The following SUSD4 variants were observed in gnomAD, a reference collection of about 807,000 sequenced individuals.
The protein encoded by SUSD4 is sushi domain containing 4.
In SUSD4, 41 loss-of-function variants were observed where a neutral mutation model predicts 50.5. The ratio of observed to expected loss-of-function variants is 0.81; its 90% CI spans 0.63 to 1.05. SUSD4 has a LOEUF of 1.05. SUSD4 is among the 50% of genes least tolerant of loss of function. The probability of loss-of-function intolerance (pLI) is 0.00; values close to 1 mark genes in which losing one functional copy is unlikely to be tolerated. For missense variants in SUSD4, 580 were observed against 634.7 expected (o/e 0.91, Z 0.93); for synonymous variants, 257 against 257.3 (o/e 1.00, Z 0.01).
chr1:223,316,522 C>G (rs1666199924), intron 2 of SUSD4, among the ~76,000 whole-genome samples: 1 of 152,120 alleles, frequency 6.6e-6, no homozygotes, highest in South Asian at 2.1e-4. Flanking sequence ...TTCTCCTCAC[C>G]CCTGACAACT....
intron 5 of SUSD4, among the ~76,000 whole-genome samples, chr1:223,245,976 A>G (rs1327432789): frequency 6.6e-6 from 1 of 152,252 alleles, no homozygotes; most frequent in Middle Eastern, 3.4e-3. Context: ...GTCGGGTTTG[A>G]GCTTCCAGTG....
intron 5 of SUSD4, among the ~76,000 whole-genome samples, chr1:223,262,975 T>G (rs1328042560): frequency 6.6e-6 from 1 of 152,198 alleles, no homozygotes; most frequent in Non-Finnish European, 1.5e-5. Flanking sequence ...AACCTTAGAT[T>G]TTGTTTTATG....
chr1:223,352,890 A>G lies in SUSD4; in HGVS notation c.148+10388T>C, dbSNP rs190552411. ...TCCAGCATCCAGCAACAGAAATAGC[A>G]TGCTAGATAAGGGGGAAGCAGAGCA... is the stretch of plus-strand genomic sequence containing the variant. On this transcript the variant is annotated intron_variant, in intron 2 of 8. Transcript: ENST00000366878. Among the ~76,000 whole-genome samples, 203 of 152,202 alleles carry G rather than the reference A, an allele frequency of 1.3e-3. 1 individual carries two copies. Among genetic ancestry groups the G allele is most frequent in the African/African-American group, 4.7e-3 (195 of 41,528 alleles).
rs1558257818 is a variant in SUSD4, at chr1:223,332,118, T to C, written c.148+31160A>G. Among the ~76,000 whole-genome samples the C allele has an allele frequency of 6.6e-6, 1 of 152,180 alleles. No homozygotes were observed. Among genetic ancestry groups the C allele is most frequent in the Non-Finnish European group, 1.5e-5 (1 of 68,028 alleles). On this transcript the variant is annotated intron_variant, in intron 2 of 8. Transcript: ENST00000366878. The surrounding 1 kb of genome is among the most constrained non-coding windows in gnomAD (Gnocchi z 4.0). ...AAGCCCCCTATTCTCCAGTTGCTGA[T>C]TTCTAGTCCTCTTGGGCAAATGCCA...
At chr1:223,222,914 A>C (rs1005967233) in intron 8 of SUSD4, among the ~76,000 whole-genome samples, 1 of 152,224 alleles carries the variant, frequency 6.6e-6, no homozygotes, top group Non-Finnish European at 1.5e-5. Flanking sequence ...GGAATAAAGA[A>C]GAAATACATT....
In SUSD4 at chr1:223,231,323, C is replaced by A. The variant is rs1659884777; in HGVS notation, c.725-1935G>T. On this transcript the variant is annotated intron_variant, in intron 5 of 8. Coordinates refer to ENST00000366878, the MANE Select transcript of SUSD4 (RefSeq NM_017982.4). This position sits in a 1 kb window ranked among gnomAD's most constrained non-coding sequence, Gnocchi z 4.2. The stretch of plus-strand genomic sequence containing the variant: ...CAGCCTGTCTAGATCTGGTGCAGTG[C>A]AGGGAAGGTCCAGGGCAGATCTGAG... Among the ~76,000 whole-genome samples, 2 of 152,198 alleles carry A rather than the reference C, an allele frequency of 1.3e-5. No individual in the cohort carries two copies. Among genetic ancestry groups the A allele is most frequent in the Admixed American group, 6.5e-5 (1 of 15,298 alleles).
chr1:223,234,926 C>CA, intron 5 of SUSD4: 1 of 1,564,404 alleles, frequency 6.4e-7, no homozygotes, highest in Non-Finnish European at 8.6e-7. Context: ...TTAATTCAAA[C>CA]GTCCTTTATT....
At chr1:223,230,989 T>C (rs1659857961) in intron 5 of SUSD4, among the ~76,000 whole-genome samples, 1 of 152,072 alleles carries the variant, frequency 6.6e-6, no homozygotes, top group African/African-American at 2.4e-5. Context: ...AACGAGGTGA[T>C]GGCAAAGTGG....
intron 5 of SUSD4, among the ~76,000 whole-genome samples, chr1:223,254,203 G>A (rs1571893997): frequency 6.6e-6 from 1 of 152,166 alleles, no homozygotes; most frequent in Admixed American, 6.5e-5. Flanking sequence ...ATCTCTGAAT[G>A]GTGGGGAGAG....
At chr1:223,317,869 T>TTTTA (rs71178542) in intron 2 of SUSD4, among the ~76,000 whole-genome samples, 2 of 127,816 alleles carry the variant, frequency 1.6e-5, no homozygotes, top group Non-Finnish European at 3.5e-5. Context: ...TTTTTTTTTT[T>TTTTA]ATTATACTCT....
intron 2 of SUSD4, among the ~76,000 whole-genome samples, chr1:223,312,084 C>T (rs771468566): frequency 5.9e-5 from 9 of 152,274 alleles, no homozygotes; most frequent in Non-Finnish European, 1.2e-4. Flanking sequence ...GCTAATGGTT[C>T]GGTTCATGAA....
chr1:223,365,139 A>C (rs1230821708), upstream of SUSD4, among the ~76,000 whole-genome samples: 2 of 152,074 alleles, frequency 1.3e-5, no homozygotes, highest in East Asian at 3.9e-4. Context: ...ATGGGAAGCC[A>C]AGGGGGTCGG....
chr1:223,328,272 G>C (rs1243982249), intron 2 of SUSD4, among the ~76,000 whole-genome samples: 1 of 151,882 alleles, frequency 6.6e-6, no homozygotes, highest in Non-Finnish European at 1.5e-5. Context: ...CTTCCTATTC[G>C]GTCCTTACAG....
intron 5 of SUSD4, among the ~76,000 whole-genome samples, chr1:223,237,521 C>T (rs997759219): frequency 6.6e-6 from 1 of 151,548 alleles, no homozygotes; most frequent in African/African-American, 2.4e-5. Flanking sequence ...AGGATGTTGC[C>T]CTTTATTTCT....
At chr1:223,223,686 G>A in intron 7 of SUSD4, 55 bp from the exon 8 acceptor site, 1 of 1,530,672 alleles carries the variant, frequency 6.5e-7, no homozygotes, top group South Asian at 1.3e-5. Context: ...CTGGGGATGA[G>A]GCCACCCATA....
chr1:223,316,596 T>TC (rs953797083), intron 2 of SUSD4, among the ~76,000 whole-genome samples: 6 of 151,956 alleles, frequency 3.9e-5, no homozygotes, highest in African/African-American at 1.4e-4. Context: ...CCCAGAATGC[T>TC]CCCCCATTCA....
intron 5 of SUSD4, among the ~76,000 whole-genome samples, chr1:223,253,785 G>A (rs1203461899): frequency 6.6e-6 from 1 of 152,184 alleles, no homozygotes; most frequent in Non-Finnish European, 1.5e-5. Context: ...ATACTCTAGA[G>A]TTTAAGGACA....
chr1:223,333,717 G>A (rs562615403), intron 2 of SUSD4, among the ~76,000 whole-genome samples: 6 of 152,264 alleles, frequency 3.9e-5, no homozygotes, highest in African/African-American at 7.2e-5. Flanking sequence ...CTGCAGAGGT[G>A]GGGAGGGGTG....
At chr1:223,330,257 G>A (rs1322819035) in intron 2 of SUSD4, among the ~76,000 whole-genome samples, 1 of 152,134 alleles carries the variant, frequency 6.6e-6, no homozygotes, top group Non-Finnish European at 1.5e-5. Context: ...ACTGTAGCAA[G>A]GGAAAGCTAT....
Sources: gnomAD v4.1 joint callset for allele counts (sites outside exome capture counted in the v4.1 genomes callset) on GRCh38, gnomAD v4.1.1 for gene constraint, Gnocchi (gnomAD v3.1) non-coding constraint, MANE v1.5 for transcripts, NCBI Gene and HGNC (gene_info 2026-07-23, HGNC 2026-07-21) for gene names.